CBFA2T3: variants seen among roughly 807,000 people sequenced by gnomAD.
CBFA2T3 encodes transcriptional corepressor CBFA2T3.
CBFA2T3 carries 31 observed loss-of-function variants against 58.6 expected under a neutral mutation model. That is an observed-to-expected ratio of 0.53 (90% CI 0.40 to 0.71). The LOEUF (loss-of-function observed/expected upper bound fraction) is 0.71, where lower values mean the gene tolerates loss of function less well. CBFA2T3 is among the 30% of genes least tolerant of loss of function. CBFA2T3 has a pLI of 0.00. For missense variants in CBFA2T3, 1,076 were observed against 963.1 expected, an observed-to-expected ratio of 1.12 and a Z score of -1.55; for synonymous variants, 531 against 421.9, an observed-to-expected ratio of 1.26 and a Z score of -3.17.
intron 1 of CBFA2T3, among the ~76,000 whole-genome samples, chr16:88,914,602 G>C (rs1056183537): frequency 6.6e-5 from 10 of 152,180 alleles, no homozygotes; most frequent in African/African-American, 2.4e-4. Flanking sequence ...AGCGACCAGG[G>C]TGAGTCTGGG....
chr16:88,903,356 G>A (rs1970174291), intron 1 of CBFA2T3, among the ~76,000 whole-genome samples: 1 of 152,232 alleles, frequency 6.6e-6, no homozygotes, highest in African/African-American at 2.4e-5. Flanking sequence ...GCTCCAGGCA[G>A]GAGTGGAGCA....
intron 1 of CBFA2T3, chr16:88,941,252 C>CCAGGTCCA: frequency 1.2e-6 from 1 of 835,158 alleles, no homozygotes; most frequent in Non-Finnish European, 1.4e-6. Flanking sequence ...GAACAAAGCG[C>CCAGGTCCA]GCACCCCGCC....
At chr16:88,961,280 C>A (rs1294780718) in intron 1 of CBFA2T3, among the ~76,000 whole-genome samples, 1 of 152,204 alleles carries the variant, frequency 6.6e-6, no homozygotes, top group Non-Finnish European at 1.5e-5. Context: ...GGAACTGACA[C>A]ACAGCACTGG....
chr16:88,953,880 A>T lies in CBFA2T3; in HGVS notation c.151+22777T>A, dbSNP rs978890797. 2.0e-5 allele frequency among the ~76,000 whole-genome samples: 3 copies of T among 152,020 alleles called. No individual in the cohort carries two copies. Among genetic ancestry groups the T allele is most frequent in the African/African-American group, 7.3e-5 (3 of 41,360 alleles). ...GGCTGCCATGGGCCTTGTCACCTGC[A>T]TTGGGCTGGTGAGGACAGGGACAGA... On this transcript the variant is annotated intron_variant, in intron 1 of 11. Transcript: ENST00000268679. The surrounding 1 kb of genome is among the most constrained non-coding windows in gnomAD (Gnocchi z 4.9).
At chr16:88,925,956 C>CA (rs1314548303) in intron 1 of CBFA2T3, among the ~76,000 whole-genome samples, 1 of 152,234 alleles carries the variant, frequency 6.6e-6, no homozygotes, top group African/African-American at 2.4e-5. Flanking sequence ...ACCAGAAAGA[C>CA]ACGGCTGTCC....
At chr16:88,894,907 CT>C (rs1969826308) in intron 3 of CBFA2T3, among the ~76,000 whole-genome samples, 1 of 151,146 alleles carries the variant, frequency 6.6e-6, no homozygotes, top group Admixed American at 6.6e-5. Flanking sequence ...GCGGCTCCCC[CT>C]GGGCAGCCGG....
At chr16:88,930,016 G>A (rs1368863031) in intron 1 of CBFA2T3, among the ~76,000 whole-genome samples, 1 of 146,682 alleles carries the variant, frequency 6.8e-6, no homozygotes, top group Admixed American at 6.6e-5. Context: ...ACCCACAGCT[G>A]CATCATCCAC....
At position 88,881,562 on chromosome 16, in the gene CBFA2T3, G is replaced by T; in HGVS notation, c.1204-73C>A. On this transcript the variant is annotated intron_variant, in intron 8 of 11. Coordinates refer to ENST00000268679, the MANE Select transcript of CBFA2T3 (RefSeq NM_005187.6). ...CACCAGACACTCCCCCAGCCCACTC[G>T]GCCAGAGCCCCGGACAGGATGGGTG... The T allele has an allele frequency of 4.7e-6, 7 of 1,483,434 alleles. No homozygotes were observed. The South Asian group carries it at 6.1e-5, about 13-fold the overall frequency. The allele number at this position is 1,483,434 out of a possible 1,614,324, so 91.9% of individuals were successfully genotyped here.
At chr16:88,888,150 G>A (rs556936254) in intron 5 of CBFA2T3, among the ~76,000 whole-genome samples, 435 of 151,934 alleles carry the variant, frequency 2.9e-3, no homozygotes, top group Non-Finnish European at 4.9e-3. Flanking sequence ...CCCCAACTAC[G>A]AGAGAGAGGG....
rs1372903569 is a variant in CBFA2T3 at position 88,885,375 on chromosome 16, A to T, written c.894-106T>A. ...ACAGGCAAGGGCAGAGAGAAAGAGG[A>T]CACGTAAGGGCGAGACAGAAACACG... is the stretch of plus-strand genomic sequence containing the variant. On this transcript the variant is annotated intron_variant, in intron 6 of 11. Transcript: ENST00000268679. This position sits in a 1 kb window ranked among gnomAD's most constrained non-coding sequence, Gnocchi z 5.3. The T allele has an allele frequency of 4.1e-6, 3 of 726,062 alleles. No individual in the cohort carries two copies. In the African/African-American group the frequency reaches 5.5e-5, roughly 13 times the overall value. The allele number at this position is 726,062 out of a possible 1,614,324, so 45.0% of individuals were successfully genotyped here.
At chr16:88,924,532 G>A (rs1464692596) in intron 1 of CBFA2T3, among the ~76,000 whole-genome samples, 1 of 152,128 alleles carries the variant, frequency 6.6e-6, no homozygotes, top group Non-Finnish European at 1.5e-5. Context: ...GGGCCCAGTG[G>A]TGGCTGCGGG....
At chr16:88,935,838 A>G (rs1281160562) in intron 1 of CBFA2T3, among the ~76,000 whole-genome samples, 1 of 152,222 alleles carries the variant, frequency 6.6e-6, no homozygotes, top group Non-Finnish European at 1.5e-5. Flanking sequence ...AGCTCATCAC[A>G]GCCCGAAGGG....
intron 1 of CBFA2T3, among the ~76,000 whole-genome samples, chr16:88,964,083 A>T (rs747218956): frequency 2.0e-5 from 3 of 152,244 alleles, no homozygotes; most frequent in Non-Finnish European, 4.4e-5. Context: ...CCACGCACAC[A>T]AGACCATCTG....
At chr16:88,967,513 G>A (rs1248640878) in intron 1 of CBFA2T3, among the ~76,000 whole-genome samples, 1 of 152,046 alleles carries the variant, frequency 6.6e-6, no homozygotes, top group Non-Finnish European at 1.5e-5. Flanking sequence ...GTGGGGTGTG[G>A]GGTGGCTAAG....
At chr16:88,917,223 G>C (rs1026848593) in intron 1 of CBFA2T3, among the ~76,000 whole-genome samples, 1 of 152,236 alleles carries the variant, frequency 6.6e-6, no homozygotes, top group African/African-American at 2.4e-5. Context: ...CTGGACTTAG[G>C]TGTGGAGCAG....
At chr16:88,926,171 C>G (rs1971079210) in intron 1 of CBFA2T3, among the ~76,000 whole-genome samples, 1 of 152,242 alleles carries the variant, frequency 6.6e-6, no homozygotes, top group Non-Finnish European at 1.5e-5. Flanking sequence ...CAGAGCAGAG[C>G]CGCAGCCGGG....
intron 8 of CBFA2T3, among the ~76,000 whole-genome samples, chr16:88,882,044 T>C (rs1443401933): frequency 1.3e-5 from 2 of 152,186 alleles, no homozygotes; most frequent in Non-Finnish European, 2.9e-5. Flanking sequence ...AGAAAGTAAG[T>C]GGAGGGAAGC....
At chr16:88,932,027 C>T (rs915319014) in intron 1 of CBFA2T3, among the ~76,000 whole-genome samples, 5 of 152,166 alleles carry the variant, frequency 3.3e-5, no homozygotes, top group African/African-American at 1.2e-4. Context: ...ACCCCACACG[C>T]ATGCACACGT....
intron 2 of CBFA2T3, among the ~76,000 whole-genome samples, chr16:88,898,411 T>C (rs1303195506): frequency 6.6e-6 from 1 of 152,192 alleles, no homozygotes; most frequent in Non-Finnish European, 1.5e-5. Context: ...AGAGTGATTT[T>C]CTGACGGGGC....
Sources: gnomAD v4.1 joint callset for allele counts (sites outside exome capture counted in the v4.1 genomes callset) on GRCh38, gnomAD v4.1.1 for gene constraint, Gnocchi (gnomAD v3.1) non-coding constraint, MANE v1.5 for transcripts, NCBI Gene and HGNC (gene_info 2026-07-23, HGNC 2026-07-21) for gene names.